LAMA3: variants seen among roughly 807,000 people sequenced by gnomAD.
The protein encoded by LAMA3 is laminin subunit alpha-3.
In LAMA3, 281 loss-of-function variants were observed where a neutral mutation model predicts 402.0. The observed-to-expected ratio is 0.70, with a 90% CI of 0.63 to 0.77. The LOEUF is 0.77. LAMA3 is among the 30% of genes least tolerant of loss of function. The pLI is 0.00. For missense variants in LAMA3, 3,840 were observed against 4,215.5 expected (o/e 0.91, Z 2.47); for synonymous variants, 1,431 against 1,558.4 (o/e 0.92, Z 1.93).
At chr18:23,915,187 A>T (rs1170623421) in intron 58 of LAMA3, 102 bp from the exon 59 acceptor site, 1 of 1,324,116 alleles carries the variant, frequency 7.6e-7, no homozygotes. Context: ...CACATTCTTA[A>T]TTAACCCTTA....
Position 23,827,941 on chromosome 18 carries a change from C to T in LAMA3, c.2823+474C>T, listed in dbSNP as rs114313986. On this transcript the variant is annotated intron_variant, in intron 23 of 74. Coordinates refer to ENST00000313654, the MANE Select transcript of LAMA3 (RefSeq NM_198129.4). The stretch of plus-strand genomic sequence containing the variant: ...AATCCGGAACTTCTACATCCCCTGG[C>T]ACCTACCTCATGGCTTGGAGGACAG... Among the ~76,000 whole-genome samples, 174 of 152,304 alleles carry T rather than the reference C, an allele frequency of 1.1e-3. 1 individual carries two copies. The highest frequency in any genetic ancestry group is 4.1e-3 in the African/African-American group (169 of 41,570).
intron 24 of LAMA3, chr18:23,834,252 A>C (rs528539785): frequency 2.2e-4 from 102 of 456,884 alleles, no homozygotes; most frequent in African/African-American, 2.0e-3. Flanking sequence ...ATGGCACAGC[A>C]CAACCTTTTT....
At chr18:23,891,245 G>A (rs114876961) in intron 42 of LAMA3, among the ~76,000 whole-genome samples, 331 of 152,274 alleles carry the variant, frequency 2.2e-3, no homozygotes, top group African/African-American at 7.2e-3. Flanking sequence ...ATATAGTGAG[G>A]CCTGGGACAA....
At chr18:23,921,856 A>G (rs2081853824) in intron 62 of LAMA3, among the ~76,000 whole-genome samples, 1 of 152,226 alleles carries the variant, frequency 6.6e-6, no homozygotes, top group Non-Finnish European at 1.5e-5. Context: ...AGTTGGGTTA[A>G]CAATGCTGGC....
chr18:23,950,304 CT>C, intron 72 of LAMA3, 145 bp downstream of exon 72: 2 of 879,254 alleles, frequency 2.3e-6, no homozygotes, highest in Non-Finnish European at 3.6e-6. Context: ...TACCATTTTC[CT>C]TTAGCAAGTA....
chr18:23,926,029 A>T (rs917447139), intron 62 of LAMA3, among the ~76,000 whole-genome samples: 3 of 152,212 alleles, frequency 2.0e-5, no homozygotes, highest in African/African-American at 7.2e-5. Flanking sequence ...TAGTATGGGC[A>T]TAGTAGCTGC....
Position 23,912,743 on chromosome 18 carries a change from T to A in LAMA3, c.7191T>A (p.Ser2397=). Residue 2397 remains serine, a synonymous_variant, in exon 56 of 75, where the codon TCT becomes TCA. Coordinates refer to ENST00000313654, the MANE Select transcript of LAMA3 (RefSeq NM_198129.4). ...VAVPMRFNGK[S]GVEVRLPNDL... is the part of the protein sequence containing the mutation. ...TCCCCATGAGGTTCAATGGTAAATC[T>A]GGAGTCGAAGTCCGACTGCCAAATG... 1.2e-6 allele frequency: 2 copies of A among 1,614,154 alleles called. No individual in the cohort carries two copies. The highest frequency in any genetic ancestry group is 1.7e-6 in the Non-Finnish European group (2 of 1,179,984).
At chr18:23,904,840 G>T (rs969474599) in intron 51 of LAMA3, 146 bp downstream of exon 51, 1 of 832,472 alleles carries the variant, frequency 1.2e-6, no homozygotes, top group Admixed American at 2.5e-5. Flanking sequence ...CCCTAGATAT[G>T]GGTAATTTCT....
In LAMA3 at chr18:23,845,084, G is replaced by A. The variant is rs201262078; in HGVS notation, c.3679G>A (p.Glu1227Lys). 2.2e-4 allele frequency: 348 copies of A among 1,612,558 alleles called. No homozygotes were observed. The highest frequency in any genetic ancestry group is 2.7e-4 in the Non-Finnish European group (315 of 1,178,692). Residue 1227 changes from glutamate (E) to lysine (K), a missense_variant, in exon 30 of 75, where the codon GAG (glutamate) becomes AAG (lysine). Glu to Lys is a moderately conservative substitution (Grantham distance 56). This residue lies in a region of LAMA3 where 2,109 missense variants were observed against 2,376.0 expected (regional missense o/e 0.89). Transcript: ENST00000313654. ...CAAAAAATCCATGGACAAGTCACTC[G>A]AGTTTATCACCAATTGTGGAAAAAA... ...LHKKSMDKSL[E>K]FITNCGKNSF...
At chr18:23,854,509 C>T (rs1430533513) in intron 32 of LAMA3, among the ~76,000 whole-genome samples, 3 of 150,728 alleles carry the variant, frequency 2.0e-5, no homozygotes, top group Admixed American at 6.6e-5. Flanking sequence ...GGCATGGTGG[C>T]GGGCACCTGT....
At chr18:23,938,311 G>A (rs974064309) in intron 67 of LAMA3, among the ~76,000 whole-genome samples, 4 of 152,202 alleles carry the variant, frequency 2.6e-5, no homozygotes, top group Admixed American at 2.6e-4. Context: ...TCCCCACTGA[G>A]CTCTGAGCGC....
chr18:23,732,589 G>T (rs2061411282), intron 2 of LAMA3, among the ~76,000 whole-genome samples: 1 of 152,010 alleles, frequency 6.6e-6, no homozygotes, highest in Admixed American at 6.6e-5. Flanking sequence ...GGACCTGCAG[G>T]GTGCGCAGGT....
intron 12 of LAMA3, among the ~76,000 whole-genome samples, chr18:23,801,332 ACTAC>A (rs2062862007): frequency 6.6e-6 from 1 of 152,104 alleles, no homozygotes; most frequent in Non-Finnish European, 1.5e-5. Flanking sequence ...AGGCTGAAAA[ACTAC>A]CTATCAGGTA....
rs374957233 is a variant in LAMA3 at position 23,901,117 on chromosome 18, T to C, written c.6005-10T>C. ...CTGTCAAATAGAAAACATGAGGTGATGTATTACAGTGCTGAACCGGATAAG... is the reference window on the plus strand; with the variant it reads ...CTGTCAAATAGAAAACATGAGGTGACGTATTACAGTGCTGAACCGGATAAG... On this transcript the variant is annotated splice_polypyrimidine_tract_variant and intron_variant, in intron 47 of 74. Transcript: ENST00000313654. The C allele has an allele frequency of 6.0e-5, 96 of 1,611,244 alleles. No individual in the cohort carries two copies. Among genetic ancestry groups the C allele is most frequent in the Non-Finnish European group, 7.7e-5 (91 of 1,177,526 alleles).
rs756194113 is a variant in LAMA3 at position 23,867,889 on chromosome 18, T to G, written c.4739T>G (p.Leu1580Arg). 1.9e-6 allele frequency: 3 copies of G among 1,614,122 alleles called. No individual in the cohort carries two copies. The highest frequency in any genetic ancestry group is 1.7e-5 in the Admixed American group (1 of 60,018). Residue 1580 changes from leucine (L) to arginine (R), a missense_variant, in exon 37 of 75, where the codon CTG (leucine) becomes CGG (arginine). Physicochemically the swap from Leu to Arg is moderately radical, Grantham distance 102. Transcript: ENST00000313654. ...EETNTPRPDR[L>R]HHGRVHVVEG... ...ACAAACACCCCACGGCCAGACCGGC[T>G]GCATCATGGACGAGTGCACGTGGTC...
chr18:23,754,108 G>A (rs2061800803), intron 6 of LAMA3, among the ~76,000 whole-genome samples: 1 of 152,108 alleles, frequency 6.6e-6, no homozygotes, highest in Non-Finnish European at 1.5e-5. Flanking sequence ...ATTAGAGCTG[G>A]CAAGAGAAAT....
chr18:23,794,476 C>T (rs1026465954), intron 12 of LAMA3, among the ~76,000 whole-genome samples: 1 of 152,190 alleles, frequency 6.6e-6, no homozygotes, highest in Non-Finnish European at 1.5e-5. Flanking sequence ...GGAAAGAATG[C>T]CCACTCCCAC....
intron 12 of LAMA3, among the ~76,000 whole-genome samples, chr18:23,787,210 A>G (rs1598792995): frequency 1.3e-5 from 2 of 152,206 alleles, no homozygotes; most frequent in East Asian, 3.8e-4. Context: ...TGAACCTGGG[A>G]GGCAGAAGTT....
intron 24 of LAMA3, among the ~76,000 whole-genome samples, chr18:23,835,268 C>T (rs2063559417): frequency 6.6e-6 from 1 of 152,212 alleles, no homozygotes; most frequent in Non-Finnish European, 1.5e-5. Context: ...GGCTTGACTA[C>T]TGTTGCTCAG....
Sources: gnomAD v4.1 joint callset for allele counts (sites outside exome capture counted in the v4.1 genomes callset) on GRCh38, gnomAD v4.1.1 for gene constraint, gnomAD v4.1.1 regional missense constraint, MANE v1.5 for transcripts, NCBI Gene and HGNC (gene_info 2026-07-23, HGNC 2026-07-21) for gene names.